The following RARS2 variants were observed in gnomAD, a reference collection of about 807,000 sequenced individuals.
RARS2 encodes probable arginine--tRNA ligase, mitochondrial.
A neutral mutation model predicts 88.5 loss-of-function variants in RARS2; 67 were observed. The ratio of observed to expected loss-of-function variants is 0.76; its 90% CI spans 0.62 to 0.93. The LOEUF (loss-of-function observed/expected upper bound fraction) is 0.93. Among genes scored for constraint, RARS2 ranks in the 40% least tolerant of loss-of-function variants. RARS2 has a pLI of 0.00. For missense variants in RARS2, 664 were observed against 684.2 expected (o/e 0.97, Z 0.33); for synonymous variants, 239 against 230.3 (o/e 1.04, Z -0.34).
At chr6:87,589,785 G>T in intron 1 of RARS2, 137 bp downstream of exon 1, 1 of 1,592,592 alleles carries the variant, frequency 6.3e-7, no homozygotes, top group Non-Finnish European at 8.6e-7. Context: ...CTCCAGAGAA[G>T]GGGGAGGAGG....
At chr6:87,581,394 T>C (rs1258015360) in intron 1 of RARS2, among the ~76,000 whole-genome samples, 2 of 152,092 alleles carry the variant, frequency 1.3e-5, no homozygotes, top group Non-Finnish European at 2.9e-5. Flanking sequence ...TCTCCAACAC[T>C]ACCAAGTCAG....
intron 1 of RARS2, among the ~76,000 whole-genome samples, chr6:87,583,164 C>T (rs1158156560): frequency 1.3e-5 from 2 of 151,948 alleles, no homozygotes; most frequent in Non-Finnish European, 2.9e-5. Flanking sequence ...TTATACAGAA[C>T]GATGAAGGAA....
rs4615353 is a variant in RARS2, at chr6:87,514,298, C to G, written c.*115G>C. The G allele has an allele frequency of 7.8e-6, 5 of 640,538 alleles. No individual in the cohort carries two copies. In the African/African-American group the frequency reaches 8.1e-5, roughly 10 times the overall value. The allele number at this position is 640,538 out of a possible 1,614,324, so 39.7% of individuals were successfully genotyped here. A position where few individuals can be genotyped will look rare whatever the true frequency, so the allele number is the denominator to read the frequency against. ...TGCACTCCAGCCTGGGCAACAAGAGCGAAACTCCATCTCAAAAAAAAAAAA... is the reference window on the plus strand; with the variant it reads ...TGCACTCCAGCCTGGGCAACAAGAGGGAAACTCCATCTCAAAAAAAAAAAA... On this transcript the variant is annotated 3_prime_UTR_variant, in exon 20 of 20. Coordinates refer to ENST00000369536, the MANE Select transcript of RARS2 (RefSeq NM_020320.5).
At chr6:87,571,053 T>C (rs1480335134) in intron 1 of RARS2, among the ~76,000 whole-genome samples, 1 of 152,136 alleles carries the variant, frequency 6.6e-6, no homozygotes, top group African/African-American at 2.4e-5. Flanking sequence ...TCAACCCCTA[T>C]GCCATATTGA....
intron 2 of RARS2, among the ~76,000 whole-genome samples, chr6:87,569,110 A>T (rs1428808791): frequency 1.3e-5 from 2 of 152,218 alleles, no homozygotes; most frequent in African/African-American, 2.4e-5. Flanking sequence ...AAAACCTAGT[A>T]GATAAATATG....
At position 87,529,526 on chromosome 6, in the gene RARS2, A is replaced by G. The variant is rs1460373833; in HGVS notation, c.878+16T>C. The stretch of plus-strand genomic sequence containing the variant: ...AGAACAAATAATTTTACTGAAGAAT[A>G]GTAACCTGATCATACATTGTTTTCA... On this transcript the variant is annotated intron_variant, in intron 10 of 19. Transcript: ENST00000369536. The G allele has an allele frequency of 7.7e-6, 11 of 1,422,252 alleles. No individual in the cohort carries two copies. The highest frequency in any genetic ancestry group is 1.7e-5 in the Admixed American group (1 of 59,730). 88.1% of individuals were successfully genotyped at this position (1,422,252 alleles called of 1,614,324 possible).
At chr6:87,552,896 G>A (rs959636243) in intron 5 of RARS2, among the ~76,000 whole-genome samples, 2 of 152,202 alleles carry the variant, frequency 1.3e-5, no homozygotes, top group African/African-American at 4.8e-5. Context: ...TTATTTGCCA[G>A]TTAGGTAATT....
rs1160831989 is a variant in RARS2 at position 87,519,676 on chromosome 6, C to T, written c.1144G>A (p.Gly382Arg). 1 of 1,613,828 alleles carries T rather than the reference C, an allele frequency of 6.2e-7. No homozygotes were observed. Among genetic ancestry groups the T allele is most frequent in the East Asian group, 2.2e-5 (1 of 44,854 alleles). Residue 382 changes from glycine to arginine, a missense_variant, in exon 14 of 20, where the codon GGA becomes AGA. By Grantham distance (125) the Gly-to-Arg change is moderately radical. Coordinates refer to ENST00000369536, the MANE Select transcript of RARS2 (RefSeq NM_020320.5). ...CQHVPFGVVQ[G>R]MKTRRGDVTF... ...ACATCTCCTCTTCGAGTCTTCATTCCCTGTACTACTCCAAAGGGCACGTGC... is the reference window on the plus strand; with the variant it reads ...ACATCTCCTCTTCGAGTCTTCATTCTCTGTACTACTCCAAAGGGCACGTGC...
chr6:87,556,633 T>A (rs117129224), intron 4 of RARS2, among the ~76,000 whole-genome samples: 3,359 of 150,338 alleles, frequency 0.022, 31 homozygotes, highest in Non-Finnish European at 0.025. Flanking sequence ...AAAAAAATTT[T>A]AAAAAAAAAT....
chr6:87,584,821 C>A, intron 1 of RARS2: 1 of 426,638 alleles, frequency 2.3e-6, no homozygotes, highest in Non-Finnish European at 4.7e-6. Context: ...AGACCCAGGG[C>A]TTCTCTATGG....
At chr6:87,559,490 A>G (rs1582683496) in intron 4 of RARS2, among the ~76,000 whole-genome samples, 1 of 139,834 alleles carries the variant, frequency 7.2e-6, no homozygotes, top group Admixed American at 7.4e-5. Flanking sequence ...AAAAAAAAAA[A>G]GAGACAGGGT....
Position 87,535,138 on chromosome 6 carries a change from A to G in RARS2, c.613-4196T>C, listed in dbSNP as rs561260210. Among the ~76,000 whole-genome samples the G allele has an allele frequency of 7.2e-5, 11 of 152,156 alleles. No individual in the cohort carries two copies. In the East Asian group the frequency reaches 1.5e-3, roughly 21 times the overall value. On this transcript the variant is annotated intron_variant, in intron 8 of 19. Transcript: ENST00000369536. ...AAACTATTTCTTACATATAAATGTT[A>G]TTAAGGAACAAAATTCATACTAGCC...
intron 8 of RARS2, among the ~76,000 whole-genome samples, chr6:87,533,296 AT>A (rs2128075385): frequency 6.6e-6 from 1 of 152,316 alleles, no homozygotes; most frequent in African/African-American, 2.4e-5. Context: ...AAACGTGAAT[AT>A]TCTTAGTATT....
intron 11 of RARS2, among the ~76,000 whole-genome samples, chr6:87,523,987 T>C (rs965915068): frequency 1.1e-4 from 16 of 152,234 alleles, no homozygotes; most frequent in Non-Finnish European, 1.5e-5. Context: ...GTTAAAAGAC[T>C]TAATTGGTTG....
At chr6:87,519,500 T>A in intron 14 of RARS2, 83 bp downstream of exon 14, 1 of 1,449,896 alleles carries the variant, frequency 6.9e-7, no homozygotes, top group Non-Finnish European at 9.7e-7. Context: ...GGGACAGACA[T>A]AATAAATCAC....
intron 1 of RARS2, among the ~76,000 whole-genome samples, chr6:87,570,821 G>C (rs1377173377): frequency 6.6e-6 from 1 of 152,130 alleles, no homozygotes; most frequent in Non-Finnish European, 1.5e-5. Flanking sequence ...TCAAAGTGCT[G>C]GGATTACAAG....
chr6:87,530,640 C>CAA, intron 9 of RARS2, 144 bp downstream of exon 9: 49 of 905,192 alleles, frequency 5.4e-5, no homozygotes, highest in Non-Finnish European at 7.0e-5. Flanking sequence ...TCTTTCAGCC[C>CAA]AAAAAAAAAA....
chr6:87,582,549 T>C (rs1323337308), intron 1 of RARS2, among the ~76,000 whole-genome samples: 3 of 152,242 alleles, frequency 2.0e-5, no homozygotes, highest in East Asian at 1.9e-4. Context: ...GCTCTGATGA[T>C]AGTTTTTTTG....
At chr6:87,523,292 A>G (rs1774571088) in intron 11 of RARS2, among the ~76,000 whole-genome samples, 1 of 152,170 alleles carries the variant, frequency 6.6e-6, no homozygotes, top group Non-Finnish European at 1.5e-5. Flanking sequence ...CAAAGTAGAG[A>G]ATCATGGCCC....
Sources: gnomAD v4.1 joint callset for allele counts (sites outside exome capture counted in the v4.1 genomes callset) on GRCh38, gnomAD v4.1.1 for gene constraint, MANE v1.5 for transcripts, NCBI Gene and HGNC (gene_info 2026-07-23, HGNC 2026-07-21) for gene names.